CUL2: variants seen among roughly 807,000 people sequenced by gnomAD.
The protein encoded by CUL2 is cullin-2.
In CUL2, 22 loss-of-function variants were observed where a neutral mutation model predicts 110.2. The observed-to-expected ratio is 0.20, with a 90% CI of 0.14 to 0.28. CUL2 has a LOEUF of 0.28. Ranked by LOEUF, CUL2 falls within the 10% of genes least tolerant of loss-of-function variation. The probability of loss-of-function intolerance (pLI) is 1.00; values close to 1 mark genes in which losing one functional copy is unlikely to be tolerated. For synonymous variants in CUL2, 279 were observed against 293.2 expected (o/e 0.95, Z 0.49); for missense variants, 631 against 905.5 (o/e 0.70, Z 3.89).
intron 1 of CUL2, among the ~76,000 whole-genome samples, chr10:35,072,724 G>C (rs2086713603): frequency 6.6e-6 from 1 of 152,152 alleles, no homozygotes; most frequent in African/African-American, 2.4e-5. Context: ...CTGCATTTAG[G>C]AATTAGCTGG....
At chr10:35,029,357 C>T in intron 15 of CUL2, 131 bp downstream of exon 15, 1 of 636,018 alleles carries the variant, frequency 1.6e-6, no homozygotes, top group South Asian at 3.0e-5. Context: ...ACGCCCAGCC[C>T]AAATCAATAG....
At chr10:35,038,225 T>A (rs1377513172) in intron 9 of CUL2, among the ~76,000 whole-genome samples, 9 of 150,986 alleles carry the variant, frequency 6.0e-5, no homozygotes, top group Admixed American at 3.3e-4. Flanking sequence ...ATGTTTTTTG[T>A]TTTTTTAAAA....
chr10:35,046,174 T>C (rs2085935438), intron 6 of CUL2, among the ~76,000 whole-genome samples: 1 of 152,256 alleles, frequency 6.6e-6, no homozygotes, highest in South Asian at 2.1e-4. Context: ...TAGAGAATCT[T>C]GATATCTTGA....
chr10:35,065,186 A>C (rs867961399), intron 2 of CUL2, among the ~76,000 whole-genome samples: 6 of 152,196 alleles, frequency 3.9e-5, no homozygotes, highest in Non-Finnish European at 7.3e-5. Context: ...ACCTACGAAA[A>C]TGAGATTTTC....
intron 1 of CUL2, among the ~76,000 whole-genome samples, chr10:35,102,607 T>A (rs12776390): frequency 2.0e-5 from 3 of 148,974 alleles, no homozygotes; most frequent in South Asian, 2.2e-4. Flanking sequence ...TTTAAAGGCC[T>A]GGCACCGTGG....
rs534515519 is a variant in CUL2, at chr10:35,044,051, CAAAAAAAAAAAAA to C, written c.714+502_714+514del. 5.7e-5 allele frequency among the ~76,000 whole-genome samples: 5 copies of C among 87,816 alleles called. No homozygotes were observed. In the South Asian group the frequency reaches 1.5e-3, roughly 26 times the overall value. 57.6% of individuals were successfully genotyped at this position (87,816 alleles called of 152,430 possible). A position where few individuals can be genotyped will look rare whatever the true frequency, so the allele number is the denominator to read the frequency against. On this transcript the variant is annotated intron_variant, in intron 8 of 20. Transcript: ENST00000374749. ...GGGCACCAGAGCAAGACCACATCTC[CAAAAAAAAAAAAA>C]AAAAAAAAAAACACCTCACGTGGGG...
At chr10:35,112,600 G>T (rs912796526) in intron 1 of CUL2, among the ~76,000 whole-genome samples, 1 of 152,184 alleles carries the variant, frequency 6.6e-6, no homozygotes, top group Non-Finnish European at 1.5e-5. Context: ...TCAAGTCTAT[G>T]GCTGAGTTTT....
chr10:35,102,429 A>G (rs2135110111), intron 1 of CUL2, among the ~76,000 whole-genome samples: 1 of 150,886 alleles, frequency 6.6e-6, no homozygotes, highest in South Asian at 2.1e-4. Flanking sequence ...AAAATTAGCC[A>G]GGCATGGTAG....
intron 2 of CUL2, among the ~76,000 whole-genome samples, chr10:35,069,309 T>C (rs2086620199): frequency 6.6e-6 from 1 of 151,854 alleles, no homozygotes; most frequent in African/African-American, 2.4e-5. Flanking sequence ...GAGGCCAAGG[T>C]GGGAGAAGTG....
At position 35,013,876 on chromosome 10, in the gene CUL2, C is replaced by A. The variant is rs193234610; in HGVS notation, c.1888-76G>T. On this transcript the variant is annotated intron_variant, in intron 18 of 20. Transcript: ENST00000374749. ...TAAGAGTTTGCTGCAAGCAATTCTG[C>A]TAAATTAATGACCAAGCAAAAAAGC... 4.7e-6 allele frequency: 5 copies of A among 1,069,086 alleles called. No individual in the cohort carries two copies. In the African/African-American group the frequency reaches 8.0e-5, roughly 17 times the overall value. 66.2% of individuals were successfully genotyped at this position (1,069,086 alleles called of 1,614,324 possible).
chr10:35,078,945 T>C (rs2086884922), intron 1 of CUL2, among the ~76,000 whole-genome samples: 1 of 152,170 alleles, frequency 6.6e-6, no homozygotes, highest in Non-Finnish European at 1.5e-5. Flanking sequence ...GTTTTTTAAA[T>C]GCCACTCAAT....
intron 1 of CUL2, among the ~76,000 whole-genome samples, chr10:35,114,464 C>A (rs1055356018): frequency 3.3e-5 from 5 of 151,736 alleles, no homozygotes; most frequent in Non-Finnish European, 7.4e-5. Context: ...CTTACTGCAA[C>A]TTCTGCCTCC....
chr10:35,062,962 T>C lies in CUL2; in HGVS notation c.220A>G (p.Lys74Glu). Residue 74 changes from lysine (K) to glutamate (E), a missense_variant and splice_region_variant, in exon 3 of 21, where the codon AAG becomes GAG. Transcript: ENST00000374749. The stretch of plus-strand genomic sequence containing the variant: ...ATCACGTATGTATCATTGCTTACCT[T>C]ATGCAAATGCCGAACATGATTTTCC... Reference protein sequence around the residue: ...FLENHVRHLHKRVLESEEQVL... With the variant: ...FLENHVRHLHERVLESEEQVL... 1.9e-6 allele frequency: 3 copies of C among 1,542,644 alleles called. No individual in the cohort carries two copies. The highest frequency in any genetic ancestry group is 1.8e-6 in the Non-Finnish European group (2 of 1,115,862).
chr10:35,104,396 A>C (rs1477098356), intron 1 of CUL2, among the ~76,000 whole-genome samples: 1 of 152,142 alleles, frequency 6.6e-6, no homozygotes, highest in East Asian at 1.9e-4. Flanking sequence ...CAGTGAACCA[A>C]GATCTCGCCA....
intron 1 of CUL2, among the ~76,000 whole-genome samples, chr10:35,089,735 T>C (rs1424688744): frequency 1.3e-5 from 2 of 151,936 alleles, no homozygotes; most frequent in African/African-American, 4.8e-5. Flanking sequence ...CGTAGGATAC[T>C]CCTCCCCAAA....
chr10:35,056,184 C>T (rs1263161607), intron 4 of CUL2, among the ~76,000 whole-genome samples: 2 of 152,142 alleles, frequency 1.3e-5, no homozygotes, highest in African/African-American at 4.8e-5. Flanking sequence ...AGACAGCATC[C>T]ACAGTAGTGG....
chr10:35,053,999 T>C (rs1026186350), intron 5 of CUL2, among the ~76,000 whole-genome samples: 1 of 152,214 alleles, frequency 6.6e-6, no homozygotes, highest in Non-Finnish European at 1.5e-5. Context: ...CCTCAAGAAC[T>C]TGAATGGACC....
intron 19 of CUL2, among the ~76,000 whole-genome samples, chr10:35,013,444 T>C (rs1175606043): frequency 5.3e-5 from 8 of 152,042 alleles, no homozygotes; most frequent in Non-Finnish European, 8.8e-5. Flanking sequence ...TCGGAGAGAA[T>C]GCATAGTTAC....
At chr10:35,078,915 T>C (rs2086884381) in intron 1 of CUL2, among the ~76,000 whole-genome samples, 1 of 152,174 alleles carries the variant, frequency 6.6e-6, no homozygotes, top group African/African-American at 2.4e-5. Flanking sequence ...TGACTTCAGA[T>C]AGTTAAGACA....
Sources: allele counts gnomAD v4.1 joint callset (sites outside exome capture counted in the v4.1 genomes callset), GRCh38; gene constraint gnomAD v4.1.1; transcripts MANE v1.5; gene names NCBI Gene and HGNC (gene_info 2026-07-23, HGNC 2026-07-21).